Variants in CTNNA2 observed in about 807,000 individuals in gnomAD.
CTNNA2 encodes catenin alpha 2, also known as catenin alpha-2.
Under a neutral mutation model 101.0 loss-of-function variants are expected in CTNNA2, and 42 were observed. The ratio of observed to expected loss-of-function variants is 0.42; its 90% CI spans 0.32 to 0.54. The LOEUF (loss-of-function observed/expected upper bound fraction) is 0.54. Among genes scored for constraint, CTNNA2 ranks in the 20% least tolerant of loss-of-function variants. The probability of loss-of-function intolerance (pLI) is 0.14; values close to 1 mark genes in which losing one functional copy is unlikely to be tolerated. For missense variants in CTNNA2, 871 were observed against 1,223.1 expected (o/e 0.71, Z 4.29); for synonymous variants, 450 against 456.4 (o/e 0.99, Z 0.18).
At chr2:79,215,578 C>A (rs1222415805) in intron 2 of CTNNA2, among the ~76,000 whole-genome samples, 1 of 151,944 alleles carries the variant, frequency 6.6e-6, no homozygotes, top group Non-Finnish European at 1.5e-5. Context: ...ACCTTTTGAC[C>A]TTTTAGGGTC....
chr2:80,054,444 C>T (rs999176921), intron 7 of CTNNA2, among the ~76,000 whole-genome samples: 4 of 152,106 alleles, frequency 2.6e-5, no homozygotes, highest in African/African-American at 2.4e-5. Context: ...GCAGCCATGC[C>T]GCAATTTGCC....
At chr2:79,978,548 C>T (rs1691031122) in intron 7 of CTNNA2, among the ~76,000 whole-genome samples, 1 of 152,144 alleles carries the variant, frequency 6.6e-6, no homozygotes, top group Non-Finnish European at 1.5e-5. Flanking sequence ...TCACCAGTTG[C>T]CTTCATCTTT....
intron 2 of CTNNA2, among the ~76,000 whole-genome samples, chr2:79,741,459 T>A (rs1671279869): frequency 6.6e-6 from 1 of 152,138 alleles, no homozygotes; most frequent in Admixed American, 6.5e-5. Flanking sequence ...TGGGCAGAAA[T>A]GACATCTTTT....
intron 9 of CTNNA2, among the ~76,000 whole-genome samples, chr2:80,467,960 C>T (rs1377264114): frequency 6.6e-6 from 1 of 152,144 alleles, no homozygotes; most frequent in Admixed American, 6.5e-5. Context: ...TTGGTTATAG[C>T]AGCCCCAACA....
rs1361163621 is a variant in CTNNA2, at chr2:79,297,984, T to A, written c.-405-14725T>A. The stretch of plus-strand genomic sequence containing the variant: ...ATTTTGTGCAATTGGTTCTCCAGAG[T>A]TTAGTCAAGGCATCATTATTTCTAA... On this transcript the variant is annotated intron_variant, in intron 2 of 21. Coordinates refer to the CTNNA2 transcript ENST00000466387. Among the ~76,000 whole-genome samples the A allele has an allele frequency of 2.0e-5, 3 of 152,186 alleles. No individual in the cohort carries two copies. The East Asian group carries it at 5.8e-4, about 29-fold the overall frequency.
chr2:79,854,375 C>T (rs1439652243), intron 3 of CTNNA2, among the ~76,000 whole-genome samples: 1 of 152,216 alleles, frequency 6.6e-6, no homozygotes, highest in Non-Finnish European at 1.5e-5. Context: ...AATGCATCGT[C>T]TCTAATTTTA....
At chr2:80,279,085 T>A (rs1004508018) in intron 7 of CTNNA2, among the ~76,000 whole-genome samples, 10 of 144,590 alleles carry the variant, frequency 6.9e-5, no homozygotes, top group African/African-American at 2.3e-4. Flanking sequence ...TGTGTGTGTG[T>A]GAAACAGAGA....
intron 3 of CTNNA2, among the ~76,000 whole-genome samples, chr2:79,814,199 T>C (rs941413859): frequency 1.3e-5 from 2 of 152,168 alleles, no homozygotes; most frequent in African/African-American, 4.8e-5. Flanking sequence ...GACAAAACTT[T>C]GGAGACACAA....
chr2:80,475,309 C>T (rs894949767), intron 9 of CTNNA2, among the ~76,000 whole-genome samples: 3 of 152,130 alleles, frequency 2.0e-5, no homozygotes, highest in Admixed American at 2.0e-4. Flanking sequence ...ATTTTTTCCC[C>T]TTTATTTTTG....
At chr2:80,160,750 C>T (rs1704261982) in intron 7 of CTNNA2, among the ~76,000 whole-genome samples, 1 of 152,044 alleles carries the variant, frequency 6.6e-6, no homozygotes, top group East Asian at 1.9e-4. Flanking sequence ...TTTTCAATTG[C>T]TATGCCTTTT....
intron 4 of CTNNA2, among the ~76,000 whole-genome samples, chr2:79,412,119 A>T (rs1322381907): frequency 6.6e-6 from 1 of 152,086 alleles, no homozygotes; most frequent in Non-Finnish European, 1.5e-5. Flanking sequence ...AACAGACTTT[A>T]AACCAACAAA....
chr2:79,480,199 C>A (rs1294620525), intron 4 of CTNNA2, among the ~76,000 whole-genome samples: 3 of 152,040 alleles, frequency 2.0e-5, no homozygotes, highest in Admixed American at 2.0e-4. Context: ...GGAGCAAGAA[C>A]TCACGTAGTT....
chr2:79,453,210 C>T (rs1267257189), intron 4 of CTNNA2, among the ~76,000 whole-genome samples: 1 of 152,056 alleles, frequency 6.6e-6, no homozygotes, highest in African/African-American at 2.4e-5. Flanking sequence ...ATACTATGTA[C>T]ACTTTGAGCA....
At chr2:79,818,821 TTATATATA>T (rs372924495) in intron 3 of CTNNA2, among the ~76,000 whole-genome samples, 4 of 74,280 alleles carry the variant, frequency 5.4e-5, no homozygotes, top group African/African-American at 2.9e-4. Flanking sequence ...CAAAATGCAA[TTATATATA>T]TATATATATA....
intron 7 of CTNNA2, among the ~76,000 whole-genome samples, chr2:80,046,257 A>G (rs989836803): frequency 3.3e-5 from 5 of 152,174 alleles, no homozygotes; most frequent in South Asian, 2.1e-4. Context: ...GATGCCATCA[A>G]TTGTTTCTGG....
chr2:80,094,356 T>C (rs998642587), intron 7 of CTNNA2, among the ~76,000 whole-genome samples: 9 of 152,140 alleles, frequency 5.9e-5, no homozygotes, highest in African/African-American at 2.2e-4. Flanking sequence ...TTCTGTTCCA[T>C]TGGTCTATCT....
At chr2:79,383,722 A>G (rs1678065064) in intron 4 of CTNNA2, among the ~76,000 whole-genome samples, 2 of 152,296 alleles carry the variant, frequency 1.3e-5, no homozygotes, top group African/African-American at 2.4e-5. Context: ...GCAGCATCAT[A>G]TCCAATTTGA....
At chr2:79,250,908 G>T (rs868705276) in intron 2 of CTNNA2, among the ~76,000 whole-genome samples, 1 of 152,074 alleles carries the variant, frequency 6.6e-6, no homozygotes, top group Admixed American at 6.6e-5. Context: ...GTGTGTAGAC[G>T]TTGCTCCTCT....
chr2:80,141,043 T>G lies in CTNNA2; in HGVS notation c.1056+231246T>G, dbSNP rs185900344. ...GGCTCCCTCCTTTTTAAAAATGTAT[T>G]TATTTATTTATTTATTTTACTCAGC... is the stretch of plus-strand genomic sequence containing the variant. On this transcript the variant is annotated intron_variant, in intron 7 of 18. Transcript: ENST00000402739. Among the ~76,000 whole-genome samples the G allele has an allele frequency of 1.2e-3, 180 of 152,022 alleles. 1 individual carries two copies. Among genetic ancestry groups the G allele is most frequent in the African/African-American group, 4.0e-3 (164 of 41,440 alleles).
Sources: gnomAD v4.1 joint callset for allele counts (sites outside exome capture counted in the v4.1 genomes callset) on GRCh38, gnomAD v4.1.1 for gene constraint, MANE v1.5 for transcripts, NCBI Gene and HGNC (gene_info 2026-07-23, HGNC 2026-07-21) for gene names.